SDK1: variants seen among roughly 807,000 people sequenced by gnomAD.
The protein encoded by SDK1 is sidekick cell adhesion molecule 1.
Under a neutral mutation model 245.5 loss-of-function variants are expected in SDK1, and 157 were observed. The ratio of observed to expected loss-of-function variants is 0.64; its 90% confidence interval spans 0.56 to 0.73. The LOEUF is 0.73. Among genes scored for constraint, SDK1 ranks in the 30% least tolerant of loss-of-function variants. SDK1 has a pLI of 0.00. For missense variants in SDK1, 3,583 were observed against 3,002.3 expected, an observed-to-expected ratio of 1.19 and a Z score of -4.52; for synonymous variants, 1,647 against 1,278.5, an observed-to-expected ratio of 1.29 and a Z score of -6.15.
rs1780723419 is a variant in SDK1, at chr7:4,076,985, T to C, written c.3011-13T>C. ...CAGGAGACCAACACTGGTCTGGTCC[T>C]GTTGCTTTCTAGGCTATCAGATCTC... On this transcript the variant is annotated splice_polypyrimidine_tract_variant and intron_variant, in intron 20 of 44. Coordinates refer to ENST00000404826, the MANE Select transcript of SDK1 (RefSeq NM_152744.4). 1 of 1,612,720 alleles carries C rather than the reference T, an allele frequency of 6.2e-7. No homozygotes were observed.
At chr7:4,222,230 C>T (rs956902875) in intron 40 of SDK1, among the ~76,000 whole-genome samples, 2 of 152,176 alleles carry the variant, frequency 1.3e-5, no homozygotes, top group East Asian at 1.9e-4. Flanking sequence ...TCAGGACACT[C>T]GTTCCCTCCT....
intron 17 of SDK1, among the ~76,000 whole-genome samples, chr7:4,035,008 T>G (rs1002674140): frequency 6.6e-6 from 1 of 152,266 alleles, no homozygotes; most frequent in Non-Finnish European, 1.5e-5. Context: ...AGACGGAGTC[T>G]TGCTCTGTTG....
chr7:3,549,667 C>A (rs1036650036), intron 1 of SDK1, among the ~76,000 whole-genome samples: 1 of 152,090 alleles, frequency 6.6e-6, no homozygotes, highest in Non-Finnish European at 1.5e-5. Context: ...AAGACTTAGG[C>A]TATTGTAAAT....
At chr7:4,244,816 G>T (rs1049853660) in intron 43 of SDK1, among the ~76,000 whole-genome samples, 1 of 152,190 alleles carries the variant, frequency 6.6e-6, no homozygotes, top group Non-Finnish European at 1.5e-5. Flanking sequence ...CCGCATGACT[G>T]AGGGCCCCAG....
chr7:3,419,055 T>C (rs1296290294), intron 1 of SDK1, among the ~76,000 whole-genome samples: 1 of 152,238 alleles, frequency 6.6e-6, no homozygotes, highest in Non-Finnish European at 1.5e-5. Flanking sequence ...TACATGGTTT[T>C]TGTGTCCCAT....
At chr7:3,852,142 G>A (rs1316888038) in intron 5 of SDK1, among the ~76,000 whole-genome samples, 1 of 151,574 alleles carries the variant, frequency 6.6e-6, no homozygotes. Flanking sequence ...AGCACCTCGC[G>A]GATAATGAGC....
At chr7:3,354,977 G>A (rs1780753863) in intron 1 of SDK1, among the ~76,000 whole-genome samples, 2 of 152,122 alleles carry the variant, frequency 1.3e-5, no homozygotes, top group Admixed American at 1.3e-4. Context: ...TTGTGTCTGT[G>A]GGGAAGCTCT....
At chr7:4,085,466 A>T (rs1252078264) in intron 22 of SDK1, among the ~76,000 whole-genome samples, 2 of 152,182 alleles carry the variant, frequency 1.3e-5, no homozygotes, top group Non-Finnish European at 2.9e-5. Flanking sequence ...TTATCTCGAT[A>T]CAGATTTAAG....
intron 8 of SDK1, 46 bp downstream of exon 8, chr7:3,959,060 A>T (rs1306821930): frequency 7.0e-7 from 1 of 1,434,256 alleles, no homozygotes; most frequent in East Asian, 2.3e-5. Context: ...ACTGGGAGGA[A>T]GGGAAACAAC....
intron 5 of SDK1, among the ~76,000 whole-genome samples, chr7:3,939,147 C>T (rs533148709): frequency 1.6e-4 from 24 of 152,288 alleles, no homozygotes; most frequent in African/African-American, 4.6e-4. Flanking sequence ...ACCTAGTCAG[C>T]GGGGAATACC....
At chr7:3,907,115 CTTT>C (rs59798410) in intron 5 of SDK1, among the ~76,000 whole-genome samples, 1 of 152,050 alleles carries the variant, frequency 6.6e-6, no homozygotes, top group African/African-American at 2.4e-5. Flanking sequence ...TATATTCTCT[CTTT>C]TTTTATTATG....
intron 1 of SDK1, among the ~76,000 whole-genome samples, chr7:3,605,121 C>G (rs893812054): frequency 1.0e-4 from 13 of 125,828 alleles, no homozygotes; most frequent in African/African-American, 4.5e-4. Flanking sequence ...TGCTCTATAG[C>G]ACTTGAGGAA....
chr7:3,890,804 T>A (rs1337219572), intron 5 of SDK1, among the ~76,000 whole-genome samples: 1 of 152,124 alleles, frequency 6.6e-6, no homozygotes, highest in East Asian at 1.9e-4. Context: ...TAGCCAGGTG[T>A]TGTGGTGGGT....
chr7:3,523,857 A>G (rs914763065), intron 1 of SDK1, among the ~76,000 whole-genome samples: 1 of 152,174 alleles, frequency 6.6e-6, no homozygotes, highest in Non-Finnish European at 1.5e-5. Context: ...TTATGGTTGT[A>G]CATTTGGTTT....
intron 5 of SDK1, among the ~76,000 whole-genome samples, chr7:3,917,824 A>C (rs534200625): frequency 1.3e-5 from 2 of 152,184 alleles, no homozygotes; most frequent in Non-Finnish European, 2.9e-5. Flanking sequence ...GTATGTAGAT[A>C]GCGTGGCAAG....
At chr7:4,206,602 C>T (rs1784240942) in intron 36 of SDK1, among the ~76,000 whole-genome samples, 1 of 152,184 alleles carries the variant, frequency 6.6e-6, no homozygotes, top group African/African-American at 2.4e-5. Context: ...CAGGCCATGA[C>T]AGGAGAGCGT....
chr7:4,003,689 A>T (rs1785243350), intron 14 of SDK1, among the ~76,000 whole-genome samples: 1 of 152,200 alleles, frequency 6.6e-6, no homozygotes, highest in African/African-American at 2.4e-5. Flanking sequence ...GATGCTTGCT[A>T]GACCTTCCAG....
In SDK1 at chr7:4,026,355, C is replaced by T. The variant is rs887696110; in HGVS notation, c.2602+9003C>T. Among the ~76,000 whole-genome samples the T allele has an allele frequency of 6.6e-6, 1 of 152,172 alleles. No homozygotes were observed. The highest frequency in any genetic ancestry group is 1.9e-4 in the East Asian group (1 of 5,188). ...TTGGGCCCATGTTTTAGAAGCTCAG[C>T]GTTTGGCATGGGCGAAGATATATTT... On this transcript the variant is annotated intron_variant, in intron 17 of 44. Transcript: ENST00000404826. The surrounding 1 kb of genome is among the most constrained non-coding windows in gnomAD (Gnocchi z 4.1).
intron 5 of SDK1, among the ~76,000 whole-genome samples, chr7:3,905,714 C>T (rs192161679): frequency 3.9e-5 from 6 of 152,110 alleles, no homozygotes; most frequent in Admixed American, 3.9e-4. Context: ...CCCCGAACTC[C>T]TGGGTTCAAG....
Sources: gnomAD v4.1 joint callset for allele counts (sites outside exome capture counted in the v4.1 genomes callset) on GRCh38, gnomAD v4.1.1 for gene constraint, Gnocchi (gnomAD v3.1) non-coding constraint, MANE v1.5 for transcripts, NCBI Gene and HGNC (gene_info 2026-07-23, HGNC 2026-07-21) for gene names.